Variants in CPS1 observed in about 807,000 individuals in gnomAD.
CPS1 encodes the protein carbamoyl-phosphate synthase 1.
CPS1 carries 109 observed loss-of-function variants against 174.6 expected under a neutral mutation model. The observed-to-expected ratio is 0.62, with a 90% CI of 0.53 to 0.73. CPS1 has a LOEUF of 0.73. Among genes scored for constraint, CPS1 ranks in the 30% least tolerant of loss-of-function variants. CPS1 has a pLI of 0.00. For missense variants in CPS1, 1,689 were observed against 1,821.9 expected, an observed-to-expected ratio of 0.93 and a Z score of 1.33; for synonymous variants, 637 against 632.0, an observed-to-expected ratio of 1.01 and a Z score of -0.12.
At chr2:210,569,403 T>C (rs2106064745) in intron 1 of CPS1, among the ~76,000 whole-genome samples, 1 of 152,196 alleles carries the variant, frequency 6.6e-6, no homozygotes, top group South Asian at 2.1e-4. Flanking sequence ...AGTTTTTTTA[T>C]TGAAATTTTA....
At chr2:210,486,982 T>TTTTATTTATTTATTTATTTATTTA (rs35198456) in intron 1 of CPS1, among the ~76,000 whole-genome samples, 2,850 of 151,320 alleles carry the variant, frequency 0.019, 99 homozygotes, top group African/African-American at 0.066. Flanking sequence ...GACCCATGCC[T>TTTTATTTATTTATTTATTTATTTA]TTTATTTATT....
intron 25 of CPS1, among the ~76,000 whole-genome samples, 176 bp from the exon 26 acceptor site, chr2:210,647,687 A>G (rs1700422848): frequency 6.6e-6 from 1 of 152,222 alleles, no homozygotes. Context: ...TTTAGCATCT[A>G]AGTGCCAGAA....
chr2:210,660,733 G>T, intron 32 of CPS1, 78 bp downstream of exon 32: 1 of 1,417,194 alleles, frequency 7.1e-7, no homozygotes, highest in Non-Finnish European at 9.9e-7. Flanking sequence ...CAAAAATCTT[G>T]TTACTTTTAA....
chr2:210,600,676 C>G lies in CPS1; in HGVS notation c.1671C>G (p.Ile557Met). 1 of 1,612,006 alleles carries G rather than the reference C, an allele frequency of 6.2e-7. No homozygotes were observed. Among genetic ancestry groups the G allele is most frequent in the Non-Finnish European group, 8.5e-7 (1 of 1,178,724 alleles). ...RQLFSDKLNEINEKIAPSFAV... is the reference protein window; with the variant it reads ...RQLFSDKLNEMNEKIAPSFAV... ...TGTTTTCAGATAAACTAAATGAGAT[C>G]AATGAAAAGATTGCTCCAAGTTTTG... is the stretch of plus-strand genomic sequence containing the variant. The change falls in exon 15 of 38, where the codon ATC becomes ATG. Residue 557 changes from isoleucine (I) to methionine (M), a missense_variant. Physicochemically the swap from Ile to Met is conservative, Grantham distance 10 (BLOSUM62 1). Coordinates refer to ENST00000233072, the MANE Select transcript of CPS1 (RefSeq NM_001875.5).
chr2:210,488,951 A>G (rs1398614176), intron 1 of CPS1, among the ~76,000 whole-genome samples: 2 of 152,164 alleles, frequency 1.3e-5, no homozygotes, highest in Non-Finnish European at 2.9e-5. Flanking sequence ...TCAGATTCAT[A>G]CTCATGAATA....
chr2:210,531,956 G>A (rs981024), intron 1 of CPS1, among the ~76,000 whole-genome samples: 61,044 of 151,884 alleles, frequency 0.4, 12,489 homozygotes, highest in Middle Eastern at 0.52. Flanking sequence ...AAGTTTCCCA[G>A]GTCAGCGAGA....
At chr2:210,536,994 T>A (rs1451752642) in intron 1 of CPS1, among the ~76,000 whole-genome samples, 1 of 152,206 alleles carries the variant, frequency 6.6e-6, no homozygotes, top group Non-Finnish European at 1.5e-5. Context: ...TTATATCATA[T>A]TCATGAACAC....
chr2:210,608,300 T>C, intron 18 of CPS1, 61 bp from the exon 19 acceptor site: 1 of 1,476,200 alleles, frequency 6.8e-7, no homozygotes, highest in African/African-American at 1.4e-5. Context: ...CCAATTTATG[T>C]TTTGGTCTGT....
At chr2:210,629,531 G>T (rs1699799026) in intron 21 of CPS1, among the ~76,000 whole-genome samples, 1 of 151,386 alleles carries the variant, frequency 6.6e-6, no homozygotes, top group African/African-American at 2.4e-5. Flanking sequence ...TAGCCAGGAC[G>T]GTCTTGATCT....
At chr2:210,489,564 C>CT (rs1694817200) in intron 1 of CPS1, among the ~76,000 whole-genome samples, 1 of 152,086 alleles carries the variant, frequency 6.6e-6, no homozygotes, top group Non-Finnish European at 1.5e-5. Flanking sequence ...TGCTAGCACT[C>CT]TGACACTTCT....
At chr2:210,563,282 T>G (rs1277446008) in intron 1 of CPS1, among the ~76,000 whole-genome samples, 2 of 152,200 alleles carry the variant, frequency 1.3e-5, no homozygotes, top group African/African-American at 4.8e-5. Context: ...AAATTTGATT[T>G]TTCCTTTTCT....
intron 34 of CPS1, chr2:210,674,471 CAAAAA>C (rs66758310): frequency 7.1e-4 from 56 of 78,908 alleles, no homozygotes; most frequent in Non-Finnish European, 1.2e-3. Context: ...AACCCCATCT[CAAAAA>C]AAAAAACCAA....
chr2:210,607,514 T>A (rs549163830), intron 18 of CPS1, among the ~76,000 whole-genome samples: 1 of 151,948 alleles, frequency 6.6e-6, no homozygotes, highest in Non-Finnish European at 1.5e-5. Flanking sequence ...TAATAATATA[T>A]TTAGCACCTT....
chr2:210,662,141 C>G (rs1700945409), intron 32 of CPS1, among the ~76,000 whole-genome samples: 1 of 152,008 alleles, frequency 6.6e-6, no homozygotes, highest in African/African-American at 2.4e-5. Flanking sequence ...GTCTTAAACT[C>G]CTGACCTCAG....
At chr2:210,552,510 C>T (rs1165707166), upstream of CPS1, among the ~76,000 whole-genome samples, 1 of 151,994 alleles carries the variant, frequency 6.6e-6, no homozygotes, top group Non-Finnish European at 1.5e-5. Flanking sequence ...TGATTCATTA[C>T]TTAGGAACAT....
chr2:210,635,706 T>C (rs1476513322), intron 21 of CPS1, among the ~76,000 whole-genome samples: 1 of 152,220 alleles, frequency 6.6e-6, no homozygotes, highest in Non-Finnish European at 1.5e-5. Flanking sequence ...CATTCAAGAA[T>C]TTGACAGGAA....
intron 21 of CPS1, among the ~76,000 whole-genome samples, chr2:210,624,415 A>G (rs1387126490): frequency 2.0e-5 from 3 of 152,246 alleles, no homozygotes; most frequent in South Asian, 2.1e-4. Flanking sequence ...ACTCCAAGCC[A>G]TTTATATAAT....
chr2:210,591,065 TAAATAAAATAAA>T (rs1698279988), intron 9 of CPS1, among the ~76,000 whole-genome samples, 159 bp downstream of exon 9: 1 of 150,412 alleles, frequency 6.6e-6, no homozygotes, highest in Non-Finnish European at 1.5e-5. Context: ...AATAAATAAA[TAAATAAAATAAA>T]AAATAAAATA....
At chr2:210,563,616 C>T (rs1215174938) in intron 1 of CPS1, among the ~76,000 whole-genome samples, 2 of 152,082 alleles carry the variant, frequency 1.3e-5, no homozygotes, top group Non-Finnish European at 2.9e-5. Context: ...AGTAAAGGAT[C>T]GATGTCCTTA....
Sources: allele counts gnomAD v4.1 joint callset (sites outside exome capture counted in the v4.1 genomes callset), GRCh38; gene constraint gnomAD v4.1.1; transcripts MANE v1.5; gene names NCBI Gene and HGNC (gene_info 2026-07-23, HGNC 2026-07-21).